PRCP: variants seen among roughly 807,000 people sequenced by gnomAD.
PRCP encodes lysosomal Pro-X carboxypeptidase.
Under a neutral mutation model 54.2 loss-of-function variants are expected in PRCP, and 46 were observed. That is an observed-to-expected ratio of 0.85 (90% CI 0.67 to 1.09). The LOEUF is 1.09. Among genes scored for constraint, PRCP ranks in the 50% least tolerant of loss-of-function variants. The pLI, the probability that PRCP is intolerant of heterozygous loss-of-function variation, is 0.00. For synonymous variants in PRCP, 240 were observed against 212.2 expected, an observed-to-expected ratio of 1.13 and a Z score of -1.14; for missense variants, 613 against 596.8, an observed-to-expected ratio of 1.03 and a Z score of -0.28.
At chr11:82,868,004 T>C (rs1319920574) in intron 1 of PRCP, among the ~76,000 whole-genome samples, 1 of 152,222 alleles carries the variant, frequency 6.6e-6, no homozygotes, top group Non-Finnish European at 1.5e-5. Context: ...ATCTTTCTTT[T>C]CTAAATAAAT....
intron 1 of PRCP, among the ~76,000 whole-genome samples, chr11:82,874,418 C>T (rs1170334577): frequency 1.3e-5 from 2 of 152,090 alleles, no homozygotes; most frequent in Non-Finnish European, 2.9e-5. Context: ...TACCTGGGTG[C>T]GGTGGCTCAC....
upstream of PRCP, among the ~76,000 whole-genome samples, chr11:82,901,300 C>T (rs796477353): frequency 6.6e-6 from 1 of 152,186 alleles, no homozygotes; most frequent in African/African-American, 2.4e-5. Flanking sequence ...CTCCGGCACC[C>T]GAAAACCCAC....
intron 1 of PRCP, among the ~76,000 whole-genome samples, chr11:82,894,332 A>T (rs1163837598): frequency 2.0e-5 from 3 of 152,248 alleles, no homozygotes; most frequent in Non-Finnish European, 4.4e-5. Flanking sequence ...AAAACACTTT[A>T]TATGTTATGG....
intron 5 of PRCP, 70 bp downstream of exon 5, chr11:82,849,844 G>T: frequency 8.0e-7 from 1 of 1,257,516 alleles, no homozygotes; most frequent in South Asian, 3.1e-5. Context: ...CTTAAAAAGC[G>T]ACAACTACTG....
At chr11:82,899,268 T>G (rs1225253604) in intron 1 of PRCP, among the ~76,000 whole-genome samples, 1 of 152,152 alleles carries the variant, frequency 6.6e-6, no homozygotes, top group Non-Finnish European at 1.5e-5. Context: ...AGCCAGATAC[T>G]CTGCTAAGAG....
At chr11:82,839,516 CT>C in intron 6 of PRCP, 91 bp from the exon 7 acceptor site, 1 of 1,362,094 alleles carries the variant, frequency 7.3e-7, no homozygotes, top group East Asian at 2.4e-5. Context: ...TGATTTTGAT[CT>C]GATCATAAAA....
At position 82,869,757 on chromosome 11, in the gene PRCP, A is replaced by T. The variant is rs145225404; in HGVS notation, c.169-9640T>A. Among the ~76,000 whole-genome samples the T allele has an allele frequency of 3.3e-3, 509 of 152,366 alleles. 1 individual carries two copies. The highest frequency in any genetic ancestry group is 0.011 in the African/African-American group (466 of 41,586). ...ATGAGAATGGAAAGCAAAGTTCCCAAGAAGGTCAAGTTTGTGCAGGTTCAT... is the reference window on the plus strand; with the variant it reads ...ATGAGAATGGAAAGCAAAGTTCCCATGAAGGTCAAGTTTGTGCAGGTTCAT... On this transcript the variant is annotated intron_variant, in intron 1 of 8. Coordinates refer to ENST00000313010, the MANE Select transcript of PRCP (RefSeq NM_005040.4).
intron 8 of PRCP, 73 bp from the exon 9 acceptor site, chr11:82,825,195 A>G: frequency 7.4e-7 from 1 of 1,358,348 alleles, no homozygotes; most frequent in East Asian, 2.5e-5. Flanking sequence ...GCTAGAAGAA[A>G]CCTATTACAT....
At chr11:82,854,869 A>G (rs1859044272) in intron 2 of PRCP, among the ~76,000 whole-genome samples, 2 of 152,192 alleles carry the variant, frequency 1.3e-5, no homozygotes, top group African/African-American at 2.4e-5. Flanking sequence ...ATCAAGCCAC[A>G]TGCTTGCAAC....
chr11:82,842,171 G>A (rs1007588930), intron 6 of PRCP, among the ~76,000 whole-genome samples: 1 of 152,102 alleles, frequency 6.6e-6, no homozygotes, highest in Non-Finnish European at 1.5e-5. Flanking sequence ...TTAGAACACT[G>A]GGCCTCTGTC....
intron 1 of PRCP, among the ~76,000 whole-genome samples, chr11:82,882,746 C>T (rs911763256): frequency 4.1e-5 from 6 of 147,772 alleles, no homozygotes; most frequent in African/African-American, 1.6e-4. Context: ...CCGCCCGCCT[C>T]GGCCTCCCAA....
chr11:82,890,943 C>T (rs1859994003), intron 1 of PRCP, among the ~76,000 whole-genome samples: 1 of 152,208 alleles, frequency 6.6e-6, no homozygotes, highest in Non-Finnish European at 1.5e-5. Context: ...TCTAAATATG[C>T]AGTGTTGAGA....
intron 1 of PRCP, among the ~76,000 whole-genome samples, chr11:82,869,942 T>C (rs952247120): frequency 6.6e-6 from 1 of 152,226 alleles, no homozygotes; most frequent in Non-Finnish European, 1.5e-5. Flanking sequence ...AGGAAATGCA[T>C]GCCTTCTGCT....
intron 1 of PRCP, among the ~76,000 whole-genome samples, chr11:82,868,524 C>T (rs1009390527): frequency 6.6e-6 from 1 of 152,136 alleles, no homozygotes; most frequent in Non-Finnish European, 1.5e-5. Flanking sequence ...GCCAAAGTCA[C>T]CACCCTGCCT....
At chr11:82,878,878 T>C (rs1253442297) in intron 1 of PRCP, among the ~76,000 whole-genome samples, 2 of 152,116 alleles carry the variant, frequency 1.3e-5, no homozygotes, top group East Asian at 3.8e-4. Context: ...CCCCCACTCT[T>C]GTAGAGTTTC....
chr11:82,863,054 G>C (rs1311580109), intron 1 of PRCP, among the ~76,000 whole-genome samples: 2 of 152,184 alleles, frequency 1.3e-5, no homozygotes, highest in African/African-American at 4.8e-5. Flanking sequence ...TCCAGGTGAG[G>C]TCCCCAGACC....
At chr11:82,892,375 C>T (rs1025852787) in intron 1 of PRCP, among the ~76,000 whole-genome samples, 3 of 152,088 alleles carry the variant, frequency 2.0e-5, no homozygotes, top group East Asian at 1.9e-4. Flanking sequence ...CATTCATTCA[C>T]TTCTCATAAA....
chr11:82,853,422 A>G, intron 2 of PRCP, 144 bp from the exon 3 acceptor site: 1 of 544,588 alleles, frequency 1.8e-6, no homozygotes, highest in East Asian at 3.2e-5. Context: ...TTGTTCCACA[A>G]ATAAATGACA....
intron 1 of PRCP, among the ~76,000 whole-genome samples, chr11:82,880,234 G>C (rs1232387119): frequency 6.6e-6 from 1 of 152,218 alleles, no homozygotes; most frequent in African/African-American, 2.4e-5. Flanking sequence ...TCAAGCCTCA[G>C]CAATGGCAGA....
Sources: allele counts gnomAD v4.1 joint callset (sites outside exome capture counted in the v4.1 genomes callset), GRCh38; gene constraint gnomAD v4.1.1; transcripts MANE v1.5; gene names NCBI Gene and HGNC (gene_info 2026-07-23, HGNC 2026-07-21).